Variants in ABHD12B observed in about 807,000 individuals in gnomAD.
The protein encoded by ABHD12B is protein ABHD12B.
A neutral mutation model predicts 50.4 loss-of-function variants in ABHD12B; 42 were observed. The observed-to-expected ratio is 0.83, with a 90% CI of 0.65 to 1.08. The LOEUF is 1.08. ABHD12B is among the 50% of genes least tolerant of loss of function. The pLI is 0.00. For synonymous variants in ABHD12B, 167 were observed against 160.3 expected (o/e 1.04, Z -0.32); for missense variants, 479 against 447.7 (o/e 1.07, Z -0.63).
At position 50,878,045 on chromosome 14, in the gene ABHD12B, T is replaced by C; in HGVS notation, c.198T>C (p.Leu66=). 5.9e-6 allele frequency: 9 copies of C among 1,533,234 alleles called. No individual in the cohort carries two copies. The highest frequency in any genetic ancestry group is 7.0e-6 in the Non-Finnish European group (8 of 1,145,920). The allele number at this position is 1,533,234 out of a possible 1,614,324, so 95.0% of individuals were successfully genotyped here. A position where few individuals can be genotyped will look rare whatever the true frequency, so the allele number is the denominator to read the frequency against. The change falls in exon 2 of 13, where the codon CTT becomes CTC. Residue 66 remains leucine (L), a synonymous_variant. Transcript: ENST00000337334. The stretch of plus-strand genomic sequence containing the variant: ...AATCCTTAAAAGAACACGTTTTCCT[T>C]CCTCTGATAGACATGCTAATTTATT... ...TSKSLKEHVF[L]PLIDMLIYFN...
chr14:50,884,797 C>A (rs1250326336), intron 5 of ABHD12B, among the ~76,000 whole-genome samples: 2 of 144,746 alleles, frequency 1.4e-5, no homozygotes, highest in African/African-American at 2.6e-5. Context: ...CTCACTGCAA[C>A]CTTAGCTTCC....
At chr14:50,886,192 C>A (rs1483694482) in intron 7 of ABHD12B, among the ~76,000 whole-genome samples, 1 of 152,134 alleles carries the variant, frequency 6.6e-6, no homozygotes, top group East Asian at 1.9e-4. Flanking sequence ...AATTCTAGCA[C>A]TTTGGGAGGC....
chr14:50,895,028 A>T (rs1316105435), intron 9 of ABHD12B, among the ~76,000 whole-genome samples: 1 of 149,082 alleles, frequency 6.7e-6, no homozygotes, highest in East Asian at 1.9e-4. Flanking sequence ...AGCTAAAGGC[A>T]TAGTCAAGGT....
In ABHD12B at chr14:50,897,885, G is replaced by A. The variant is rs116881367; in HGVS notation, c.781-3944G>A. On this transcript the variant is annotated intron_variant, in intron 9 of 12. Transcript: ENST00000337334. ...CTTGTTCCTTTCCGTCCCTCTTTCT[G>A]TTACAAATTAGGCTAAAGTGTTATG... Among the ~76,000 whole-genome samples the A allele has an allele frequency of 1.5e-3, 229 of 152,304 alleles. 2 individuals carry two copies. Among genetic ancestry groups the A allele is most frequent in the Non-Finnish European group, 1.9e-3 (127 of 68,020 alleles).
At position 50,899,880 on chromosome 14, in the gene ABHD12B, C is replaced by T. The variant is rs144162091; in HGVS notation, c.781-1949C>T. ...GACGTTGCAGTGAGCCAAGATTGCACCACTGCACTCCAGCCTAGGCAACAG... is the reference window on the plus strand; with the variant it reads ...GACGTTGCAGTGAGCCAAGATTGCATCACTGCACTCCAGCCTAGGCAACAG... On this transcript the variant is annotated intron_variant, in intron 9 of 12. Coordinates refer to ENST00000337334, the MANE Select transcript of ABHD12B (RefSeq NM_001206673.2). 3.8e-3 allele frequency among the ~76,000 whole-genome samples: 571 copies of T among 150,946 alleles called. 11 individuals carry two copies. The highest frequency in any genetic ancestry group is 1.6e-3 in the Non-Finnish European group (110 of 67,820).
At chr14:50,898,160 C>T (rs1333512006) in intron 9 of ABHD12B, among the ~76,000 whole-genome samples, 2 of 152,194 alleles carry the variant, frequency 1.3e-5, no homozygotes, top group African/African-American at 2.4e-5. Flanking sequence ...ACAAGTCTTT[C>T]GCACTCGTTA....
intron 1 of ABHD12B, among the ~76,000 whole-genome samples, chr14:50,873,219 TC>T (rs2049810591): frequency 6.6e-6 from 1 of 151,298 alleles, no homozygotes; most frequent in African/African-American, 2.4e-5. Flanking sequence ...TCTCTCTCTC[TC>T]TCTTTTTTTT....
intron 9 of ABHD12B, among the ~76,000 whole-genome samples, chr14:50,899,187 C>T (rs977789081): frequency 2.0e-5 from 3 of 151,988 alleles, no homozygotes; most frequent in Admixed American, 6.6e-5. Context: ...AATGACACTC[C>T]GTCTCAAAAA....
chr14:50,901,626 G>T (rs1431171322), intron 9 of ABHD12B, among the ~76,000 whole-genome samples: 2 of 152,192 alleles, frequency 1.3e-5, no homozygotes, highest in Non-Finnish European at 2.9e-5. Flanking sequence ...AGAATTATGT[G>T]TGCTTTGTTT....
chr14:50,893,093 G>A (rs1596017129), intron 9 of ABHD12B: 2 of 152,172 alleles, frequency 1.3e-5, no homozygotes, highest in African/African-American at 4.8e-5. Flanking sequence ...AAAAGAATGT[G>A]TTCTGCTGTT....
intron 5 of ABHD12B, among the ~76,000 whole-genome samples, chr14:50,883,086 G>T (rs2049982193): frequency 6.6e-6 from 1 of 152,026 alleles, no homozygotes; most frequent in African/African-American, 2.4e-5. Flanking sequence ...ACTCTGGTTT[G>T]TTGGGACAGC....
At chr14:50,894,394 C>G (rs78366017) in intron 9 of ABHD12B, among the ~76,000 whole-genome samples, 8,343 of 151,982 alleles carry the variant, frequency 0.055, 756 homozygotes, top group African/African-American at 0.19. Context: ...CCCCCCCACC[C>G]CTTCTCCATG....
chr14:50,899,630 T>A (rs577062941), intron 9 of ABHD12B, among the ~76,000 whole-genome samples: 16 of 152,294 alleles, frequency 1.1e-4, no homozygotes, highest in Middle Eastern at 3.4e-3. Flanking sequence ...AATACTTTGC[T>A]TATTTTTCCT....
intron 1 of ABHD12B, among the ~76,000 whole-genome samples, chr14:50,875,593 G>A (rs1458107396): frequency 6.6e-6 from 1 of 152,180 alleles, no homozygotes; most frequent in Non-Finnish European, 1.5e-5. Flanking sequence ...TGATGTGGCT[G>A]GCCGTTAGCG....
intron 9 of ABHD12B, among the ~76,000 whole-genome samples, chr14:50,900,997 T>A (rs1166454904): frequency 6.6e-6 from 1 of 152,142 alleles, no homozygotes; most frequent in Non-Finnish European, 1.5e-5. Flanking sequence ...GGGAGCCACT[T>A]GGAATTGCAG....
chr14:50,874,599 C>CA (rs60172918), intron 1 of ABHD12B, among the ~76,000 whole-genome samples: 11,206 of 142,646 alleles, frequency 0.079, 730 homozygotes, highest in East Asian at 0.29. Flanking sequence ...GACTCCGTCT[C>CA]AAAAAAAAAT....
At chr14:50,893,966 G>C (rs2050156365) in intron 9 of ABHD12B, among the ~76,000 whole-genome samples, 1 of 152,264 alleles carries the variant, frequency 6.6e-6, no homozygotes, top group South Asian at 2.1e-4. Flanking sequence ...CCTTCCCTTG[G>C]TGTTTAATCA....
chr14:50,900,803 A>C (rs986369036), intron 9 of ABHD12B, among the ~76,000 whole-genome samples: 5 of 152,180 alleles, frequency 3.3e-5, no homozygotes, highest in Non-Finnish European at 7.3e-5. Flanking sequence ...ATGAGGCTGG[A>C]GAGGGAGGCA....
intron 1 of ABHD12B, among the ~76,000 whole-genome samples, chr14:50,877,629 G>A (rs1035930595): frequency 1.2e-4 from 19 of 152,186 alleles, no homozygotes; most frequent in Admixed American, 2.0e-4. Context: ...GTTAGTCTCT[G>A]AAATTTGGGG....
Sources: allele counts gnomAD v4.1 joint callset (sites outside exome capture counted in the v4.1 genomes callset), GRCh38; gene constraint gnomAD v4.1.1; transcripts MANE v1.5; gene names NCBI Gene and HGNC (gene_info 2026-07-23, HGNC 2026-07-21).